The following MAPK12 variants were observed in gnomAD, a reference collection of about 807,000 sequenced individuals.
MAPK12 encodes the protein mitogen-activated protein kinase 12.
A neutral mutation model predicts 49.1 loss-of-function variants in MAPK12; 49 were observed. The observed-to-expected ratio is 1.00, with a 90% CI of 0.79 to 1.27. The LOEUF (loss-of-function observed/expected upper bound fraction) is 1.27, where lower values mean the gene tolerates loss of function less well. MAPK12 is among the 50% of genes most tolerant of loss of function. MAPK12 has a pLI of 0.00. For synonymous variants in MAPK12, 251 were observed against 209.7 expected, an observed-to-expected ratio of 1.20 and a Z score of -1.70; for missense variants, 554 against 502.4, an observed-to-expected ratio of 1.10 and a Z score of -0.98.
chr22:50,253,704 C>G, intron 11 of MAPK12: 2 of 583,514 alleles, frequency 3.4e-6, no homozygotes, highest in Non-Finnish European at 3.1e-6. Context: ...ATGTCCACCA[C>G]GGTCTGTCCT....
At chr22:50,260,126 C>T (rs1358782059) in intron 2 of MAPK12, among the ~76,000 whole-genome samples, 5 of 151,754 alleles carry the variant, frequency 3.3e-5, no homozygotes, top group Non-Finnish European at 5.9e-5. Context: ...TTTCACAGGG[C>T]CCAGGGTAGT....
chr22:50,259,819 G>A (rs987472735), intron 2 of MAPK12, among the ~76,000 whole-genome samples: 11 of 151,984 alleles, frequency 7.2e-5, no homozygotes, highest in Non-Finnish European at 1.3e-4. Flanking sequence ...AGGACGCGAA[G>A]GTTGCAGTGA....
rs572957483 is a variant in MAPK12 at position 50,258,272 on chromosome 22, A to G, written c.285T>C (p.Pro95=). The G allele has an allele frequency of 6.2e-7, 1 of 1,613,146 alleles. No homozygotes were observed. ...NVIGLLDVFT[P]DETLDDFTDF... is the part of the protein sequence containing the mutation. ...CCGTGAAGTCATCCAGGGTCTCATC[A>G]GGAGTGAATACGTCCAGCAGCCCGA... is the stretch of plus-strand genomic sequence containing the variant. The change falls in exon 3 of 12, where the codon CCT becomes CCC. Residue 95 remains proline, a synonymous_variant. Coordinates refer to ENST00000215659, the MANE Select transcript of MAPK12 (RefSeq NM_002969.6).
chr22:50,257,633 G>A (rs1049783602), intron 3 of MAPK12: 21 of 575,208 alleles, frequency 3.7e-5, no homozygotes, highest in South Asian at 6.1e-5. Context: ...ATGGGGGCGC[G>A]GCAAGGCATC....
Position 50,253,097 on chromosome 22 carries a change from G to T in MAPK12, c.*304C>A. 2.2e-6 allele frequency: 1 copy of T among 445,326 alleles called. No individual in the cohort carries two copies. The highest frequency in any genetic ancestry group is 4.2e-6 in the Non-Finnish European group (1 of 238,442). The allele number at this position is 445,326 out of a possible 1,614,324, so 27.6% of individuals were successfully genotyped here. A position where few individuals can be genotyped will look rare whatever the true frequency, so the allele number is the denominator to read the frequency against. ...AGGCAGGGCTCAGAGGCCAAGGCCT[G>T]ATCTGGAGCCCCACCAGCTCTGAGG... is the stretch of plus-strand genomic sequence containing the variant. On this transcript the variant is annotated 3_prime_UTR_variant, in exon 12 of 12. Coordinates refer to ENST00000215659, the MANE Select transcript of MAPK12 (RefSeq NM_002969.6).
rs776101448 is a variant in MAPK12 at position 50,256,219 on chromosome 22, G to A, written c.505-20C>T. On this transcript the variant is annotated intron_variant, in intron 6 of 11. Transcript: ENST00000215659. ...CAGGATCTGTGGGAAGAATTGGGGA[G>A]GTGGGTTCTAGGGGACTCCCAAGGA... is the stretch of plus-strand genomic sequence containing the variant. The A allele has an allele frequency of 5.7e-6, 9 of 1,592,612 alleles. No individual in the cohort carries two copies. In the African/African-American group the frequency reaches 9.4e-5, roughly 17 times the overall value.
Position 50,261,498 on chromosome 22 carries a change from CGGA to C in MAPK12, c.9_11del (p.Pro6del), listed in dbSNP as rs764329650. 1 of 1,242,088 alleles carries C rather than the reference CGGA, an allele frequency of 8.1e-7. No homozygotes were observed. The highest frequency in any genetic ancestry group is 2.7e-5 in the Admixed American group (1 of 36,510). 76.9% of individuals were successfully genotyped at this position (1,242,088 alleles called of 1,614,324 possible). The stretch of plus-strand genomic sequence containing the variant: ...GGTAAAAGCCACTGCGGGCGGGCGG[CGGA>C]GAGCTCATGGCAGGCCCGGGAGCTG... On this transcript the variant is annotated inframe_deletion, in exon 1 of 12. Coordinates refer to ENST00000215659, the MANE Select transcript of MAPK12 (RefSeq NM_002969.6).
Position 50,256,169 on chromosome 22 carries a change from C to T in MAPK12, c.535G>A (p.Asp179Asn), listed in dbSNP as rs1372694244. The change falls in exon 7 of 12, where the codon GAC (aspartate) becomes AAC (asparagine). Residue 179 changes from aspartate (D) to asparagine (N), a missense_variant. Physicochemically the swap from Asp to Asn is conservative, Grantham distance 23. Transcript: ENST00000215659. ...ILDFGLARQA[D>N]SEMTGYVVTR... ...ACCACGTACCCAGTCATCTCACTGT[C>T]TGCCTGCCTGGCCAGGCCGAAGTCC... The T allele has an allele frequency of 6.2e-7, 1 of 1,612,716 alleles. No individual in the cohort carries two copies. The highest frequency in any genetic ancestry group is 8.5e-7 in the Non-Finnish European group (1 of 1,179,862).
At position 50,261,445 on chromosome 22, in the gene MAPK12, TC is replaced by T. The variant is rs752973324; in HGVS notation, c.64del (p.Glu22ArgfsTer65). On this transcript the variant is annotated frameshift_variant, in exon 1 of 12. Transcript: ENST00000215659. LOFTEE classifies it high-confidence loss of function. ...YRQEVTKTAW[E>X]VRAVYRDLQP... ...CAGGTCCCGGTACACGGCGCGCACC[TC>T]CCAGGCCGTCTTGGTCACCTCCTGG... is the stretch of plus-strand genomic sequence containing the variant. 14 of 1,277,346 alleles carry T rather than the reference TC, an allele frequency of 1.1e-5. No individual in the cohort carries two copies. The East Asian group carries it at 6.1e-4, about 56-fold the overall frequency. The allele number at this position is 1,277,346 out of a possible 1,614,324, so 79.1% of individuals were successfully genotyped here.
rs1233657333 is a variant in MAPK12, at chr22:50,257,211, G to A, written c.315-18C>T. ...CCAGGTAACTGTGGGAGGGGCCGGA[G>A]CGCTGTCAGCGGACAGAGCCAGCCT... On this transcript the variant is annotated intron_variant, in intron 3 of 11. Coordinates refer to ENST00000215659, the MANE Select transcript of MAPK12 (RefSeq NM_002969.6). The A allele has an allele frequency of 6.3e-7, 1 of 1,594,234 alleles. No homozygotes were observed. The highest frequency in any genetic ancestry group is 1.1e-5 in the South Asian group (1 of 90,714).
At chr22:50,255,715 C>G in intron 8 of MAPK12, 21 bp from the exon 9 acceptor site, 1 of 1,609,726 alleles carries the variant, frequency 6.2e-7, no homozygotes, top group African/African-American at 1.3e-5. Context: ...GTCAGGAACA[C>G]AGCTCGGGGG....
chr22:50,253,502 G>GA, intron 11 of MAPK12, 22 bp from the exon 12 acceptor site: 13 of 171,664 alleles, frequency 7.6e-5, no homozygotes, highest in Admixed American at 2.2e-4. Context: ...GGGGGGGCGG[G>GA]CACAACAGAG....
At chr22:50,255,739 C>T (rs750065014) in intron 8 of MAPK12, 45 bp from the exon 9 acceptor site, 4 of 1,609,050 alleles carry the variant, frequency 2.5e-6, no homozygotes, top group Non-Finnish European at 3.4e-6. Context: ...GAGATCAGGG[C>T]CCCCACTGCC....
At chr22:50,256,773 G>A in intron 5 of MAPK12, 127 bp from the exon 6 acceptor site, 2 of 1,513,180 alleles carry the variant, frequency 1.3e-6, no homozygotes, top group Non-Finnish European at 1.8e-6. Flanking sequence ...GCCCTTCAAG[G>A]GCAGACCAAG....
chr22:50,261,070 G>A (rs2065207299), intron 2 of MAPK12, 97 bp downstream of exon 2: 1 of 1,339,204 alleles, frequency 7.5e-7, no homozygotes, highest in Non-Finnish European at 9.8e-7. Context: ...CCCCACAGCA[G>A]GCTGCCTGGA....
chr22:50,257,385 C>G (rs892746838), intron 3 of MAPK12, among the ~76,000 whole-genome samples, 192 bp from the exon 4 acceptor site: 1 of 152,306 alleles, frequency 6.6e-6, no homozygotes, highest in African/African-American at 2.4e-5. Flanking sequence ...CTCCATCCTC[C>G]CGCAACTGTT....
intron 2 of MAPK12, among the ~76,000 whole-genome samples, chr22:50,260,568 C>T (rs1267273387): frequency 2.0e-5 from 3 of 152,164 alleles, no homozygotes; most frequent in Non-Finnish European, 4.4e-5. Context: ...CCACAACGCA[C>T]AGGAGGGTGT....
In MAPK12 at chr22:50,255,868, A is replaced by G. The variant is rs1129880; in HGVS notation, c.633T>C (p.Ser211=). The change falls in exon 8 of 12, where the codon TCT becomes TCC. Residue 211 remains serine, a synonymous_variant. Coordinates refer to ENST00000215659, the MANE Select transcript of MAPK12 (RefSeq NM_002969.6). ...TCATCTCCGCCATGATGCAGCCCAC[A>G]GACCAGATGTCCACTGAGATAGAAG... The part of the protein sequence containing the change: ...MRYTQTVDIW[S]VGCIMAEMIT... The G allele has an allele frequency of 0.73, 1,170,127 of 1,612,032 alleles. 428,713 individuals carry two copies. Among genetic ancestry groups the G allele is most frequent in the South Asian group, 0.89 (81,239 of 91,052 alleles).
rs759945825 is a variant in MAPK12 at position 50,257,166 on chromosome 22, G to A, written c.342C>T (p.Thr114=). The A allele has an allele frequency of 6.2e-6, 10 of 1,612,564 alleles. No homozygotes were observed. Among genetic ancestry groups the A allele is most frequent in the African/African-American group, 1.3e-5 (1 of 74,902 alleles). ...CATGTTTCATGAGCTTGCCCAGGTCGGTGCCCATGAACGGCATCACCAGGT... is the reference window on the plus strand; with the variant it reads ...CATGTTTCATGAGCTTGCCCAGGTCAGTGCCCATGAACGGCATCACCAGGT... ...DFYLVMPFMG[T]DLGKLMKHEK... Residue 114 remains threonine (T), a synonymous_variant, in exon 4 of 12, where the codon ACC becomes ACT. Coordinates refer to ENST00000215659, the MANE Select transcript of MAPK12 (RefSeq NM_002969.6).
Sources: allele counts gnomAD v4.1 joint callset (sites outside exome capture counted in the v4.1 genomes callset), GRCh38; gene constraint gnomAD v4.1.1; transcripts MANE v1.5; gene names NCBI Gene and HGNC (gene_info 2026-07-23, HGNC 2026-07-21).